Variants in ADAM7 observed in about 807,000 individuals in gnomAD.
ADAM7 encodes the protein ADAM metallopeptidase domain 7, also known as disintegrin and metalloproteinase domain-containing protein 7.
In ADAM7, 97 loss-of-function variants were observed where a neutral mutation model predicts 102.9. The ratio of observed to expected loss-of-function variants is 0.94; its 90% CI spans 0.80 to 1.12. ADAM7 has a LOEUF of 1.12. Ranked by LOEUF, ADAM7 falls within the 50% of genes most tolerant of loss-of-function variation. The pLI is 0.00. For missense variants in ADAM7, 991 were observed against 908.7 expected, an observed-to-expected ratio of 1.09 and a Z score of -1.16; for synonymous variants, 334 against 304.4, an observed-to-expected ratio of 1.10 and a Z score of -1.01.
chr8:24,474,494 G>C (rs1819704390), intron 7 of ADAM7, among the ~76,000 whole-genome samples: 1 of 152,070 alleles, frequency 6.6e-6, no homozygotes, highest in Admixed American at 6.6e-5. Context: ...TTTATTTAGA[G>C]AAGTTCCTAA....
chr8:24,475,491 T>G (rs1819737349), intron 7 of ADAM7, among the ~76,000 whole-genome samples: 2 of 152,224 alleles, frequency 1.3e-5, no homozygotes, highest in Admixed American at 6.5e-5. Context: ...AAGGAAAATA[T>G]GTTCACAATG....
intron 2 of ADAM7, among the ~76,000 whole-genome samples, chr8:24,444,300 T>G (rs1818473613): frequency 6.6e-6 from 1 of 151,208 alleles, no homozygotes; most frequent in Admixed American, 6.6e-5. Flanking sequence ...ATAAATAAAT[T>G]GAAAAAATGG....
At chr8:24,452,633 G>A (rs1818843570) in intron 3 of ADAM7, among the ~76,000 whole-genome samples, 1 of 149,308 alleles carries the variant, frequency 6.7e-6, no homozygotes, top group Non-Finnish European at 1.5e-5. Flanking sequence ...TTTAATTGGA[G>A]CATTTAGTCC....
intron 2 of ADAM7, among the ~76,000 whole-genome samples, 164 bp from the exon 3 acceptor site, chr8:24,447,022 T>A (rs1215221726): frequency 6.6e-6 from 1 of 151,882 alleles, no homozygotes; most frequent in Non-Finnish European, 1.5e-5. Flanking sequence ...ATCTTCCTTC[T>A]AATATTAGCT....
chr8:24,467,041 G>A lies in ADAM7; in HGVS notation c.579+53G>A, dbSNP rs541450223. 170 of 1,503,042 alleles carry A rather than the reference G, an allele frequency of 1.1e-4. 2 individuals are homozygous for A. The African/African-American group carries it at 1.9e-3, about 17-fold the overall frequency. The allele number at this position is 1,503,042 out of a possible 1,614,324, so 93.1% of individuals were successfully genotyped here. ...CAAATGAAACACCTTTTATTTTCTT[G>A]ATGATGTCTAGGGATAAAGTATGAG... is the stretch of plus-strand genomic sequence containing the variant. On this transcript the variant is annotated intron_variant, in intron 6 of 21. Transcript: ENST00000175238.
chr8:24,499,868 A>T (rs1820694582), intron 17 of ADAM7, among the ~76,000 whole-genome samples: 1 of 151,756 alleles, frequency 6.6e-6, no homozygotes, highest in African/African-American at 2.4e-5. Flanking sequence ...ATATCAGGTT[A>T]CCATATTTAT....
intron 8 of ADAM7, among the ~76,000 whole-genome samples, chr8:24,479,130 C>T (rs1017074236): frequency 1.3e-4 from 20 of 152,136 alleles, no homozygotes; most frequent in Non-Finnish European, 1.9e-4. Context: ...TTCACATTCT[C>T]ACTGCTTCTT....
Position 24,465,892 on chromosome 8 carries a change from A to G in ADAM7, c.389+117A>G, listed in dbSNP as rs986575378. On this transcript the variant is annotated intron_variant, in intron 5 of 21. Coordinates refer to ENST00000175238, the MANE Select transcript of ADAM7 (RefSeq NM_003817.4). Reference sequence around the variant, plus strand: ...TATATAGAAAAATTAATGAGAAAAAAGCTGCTGTGCATTTTTAGCAGTTTC... The same window carrying G: ...TATATAGAAAAATTAATGAGAAAAAGGCTGCTGTGCATTTTTAGCAGTTTC... The G allele has an allele frequency of 1.7e-5, 11 of 663,196 alleles. No homozygotes were observed. In the Admixed American group the frequency reaches 2.8e-4, roughly 17 times the overall value. The allele number at this position is 663,196 out of a possible 1,614,324, so 41.1% of individuals were successfully genotyped here.
intron 16 of ADAM7, among the ~76,000 whole-genome samples, chr8:24,498,086 G>A (rs1585924833): frequency 6.6e-6 from 1 of 151,964 alleles, no homozygotes; most frequent in East Asian, 1.9e-4. Flanking sequence ...TTCCAGCCAA[G>A]AGAGAAATAA....
chr8:24,459,052 G>C (rs1819143807), intron 3 of ADAM7, among the ~76,000 whole-genome samples: 1 of 151,820 alleles, frequency 6.6e-6, no homozygotes, highest in Non-Finnish European at 1.5e-5. Flanking sequence ...CTTCTGAGTT[G>C]GGAAATATTC....
intron 2 of ADAM7, among the ~76,000 whole-genome samples, chr8:24,445,350 A>G (rs1332889780): frequency 6.6e-6 from 1 of 152,156 alleles, no homozygotes; most frequent in Non-Finnish European, 1.5e-5. Context: ...AACAACCTTA[A>G]CTAATGCACA....
chr8:24,474,211 ACAAAATTTTAAAT>A (rs1341209011), intron 7 of ADAM7, among the ~76,000 whole-genome samples: 1 of 152,188 alleles, frequency 6.6e-6, no homozygotes, highest in Non-Finnish European at 1.5e-5. Flanking sequence ...TAACCTATGA[ACAAAATTTTAAAT>A]CAAAATTAGT....
chr8:24,451,626 G>T (rs1349314862), intron 3 of ADAM7, among the ~76,000 whole-genome samples: 2 of 151,892 alleles, frequency 1.3e-5, no homozygotes, highest in Non-Finnish European at 2.9e-5. Flanking sequence ...ATTTTTTGAA[G>T]GGTTTTTTGT....
At chr8:24,447,070 G>A (rs1397660694) in intron 2 of ADAM7, 116 bp from the exon 3 acceptor site, 8 of 484,718 alleles carry the variant, frequency 1.7e-5, no homozygotes, top group Non-Finnish European at 3.0e-5. Context: ...TTGCATTTTG[G>A]CTGAAAGGAC....
At chr8:24,477,043 C>T (rs1819791036) in intron 8 of ADAM7, among the ~76,000 whole-genome samples, 2 of 152,070 alleles carry the variant, frequency 1.3e-5, no homozygotes, top group Non-Finnish European at 2.9e-5. Flanking sequence ...TAAAGAGACC[C>T]CATAAGAAAA....
chr8:24,469,105 A>C (rs1234346877), intron 7 of ADAM7, among the ~76,000 whole-genome samples: 3 of 152,220 alleles, frequency 2.0e-5, no homozygotes, highest in Non-Finnish European at 2.9e-5. Context: ...GCTCAAAAGA[A>C]AAAGTGGAAA....
At chr8:24,450,355 A>T (rs1238068998) in intron 3 of ADAM7, among the ~76,000 whole-genome samples, 2 of 152,092 alleles carry the variant, frequency 1.3e-5, no homozygotes, top group Admixed American at 6.6e-5. Flanking sequence ...CTCCTTGAAG[A>T]GGTCCTTCAC....
chr8:24,506,056 A>G, intron 20 of ADAM7: 1 of 1,448,470 alleles, frequency 6.9e-7, no homozygotes, highest in Non-Finnish European at 9.5e-7. Context: ...TATATTTACT[A>G]GGAATTGCAG....
intron 16 of ADAM7, among the ~76,000 whole-genome samples, chr8:24,496,541 T>C (rs890803314): frequency 2.0e-5 from 3 of 152,278 alleles, no homozygotes; most frequent in Admixed American, 1.3e-4. Flanking sequence ...GGAGGCTATA[T>C]CCTGCAAAAC....
Sources: allele counts gnomAD v4.1 joint callset (sites outside exome capture counted in the v4.1 genomes callset), GRCh38; gene constraint gnomAD v4.1.1; transcripts MANE v1.5; gene names NCBI Gene and HGNC (gene_info 2026-07-23, HGNC 2026-07-21).